Variants in PRKN observed in about 807,000 individuals in gnomAD.
PRKN encodes E3 ubiquitin-protein ligase parkin.
Under a neutral mutation model 59.5 loss-of-function variants are expected in PRKN, and 56 were observed. That is an observed-to-expected ratio of 0.94 (90% CI 0.76 to 1.18). PRKN has a LOEUF of 1.18. Ranked by LOEUF, PRKN falls within the 50% of genes most tolerant of loss-of-function variation. PRKN has a pLI of 0.00. For missense variants in PRKN, 657 were observed against 596.4 expected (o/e 1.10, Z -1.06); for synonymous variants, 250 against 222.1 (o/e 1.13, Z -1.12).
intron 6 of PRKN, among the ~76,000 whole-genome samples, chr6:161,952,416 G>A (rs905862506): frequency 3.3e-5 from 5 of 152,190 alleles, no homozygotes; most frequent in Non-Finnish European, 5.9e-5. Flanking sequence ...TCAGGAGTTC[G>A]AGACCAGCCT....
intron 7 of PRKN, among the ~76,000 whole-genome samples, chr6:161,648,762 C>A (rs1375153421): frequency 6.6e-6 from 1 of 152,134 alleles, no homozygotes; most frequent in African/African-American, 2.4e-5. Flanking sequence ...TTGTACTAAA[C>A]TTAAGCATTC....
At position 162,727,746 on chromosome 6, in the gene PRKN, G is replaced by A. The variant is rs765761156; in HGVS notation, c.-78C>T. On this transcript the variant is annotated 5_prime_UTR_variant, in exon 1 of 12. Coordinates refer to ENST00000366898, the MANE Select transcript of PRKN (RefSeq NM_004562.3). ...GGCGCCAGCCGCGCCTCCCACCAGC[G>A]GCTCTCCTGGGTTAAATCCTCCAGG... 5 of 1,445,302 alleles carry A rather than the reference G, an allele frequency of 3.5e-6. No individual in the cohort carries two copies. Among genetic ancestry groups the A allele is most frequent in the Non-Finnish European group, 3.8e-6 (4 of 1,052,410 alleles). 89.5% of individuals were successfully genotyped at this position (1,445,302 alleles called of 1,614,324 possible). A position where few individuals can be genotyped will look rare whatever the true frequency, so the allele number is the denominator to read the frequency against.
At chr6:162,203,073 A>G (rs1480966935) in intron 3 of PRKN, among the ~76,000 whole-genome samples, 2 of 152,206 alleles carry the variant, frequency 1.3e-5, no homozygotes, top group Admixed American at 6.5e-5. Flanking sequence ...CATATTAGCA[A>G]GAGTTTTACA....
chr6:162,241,198 T>C (rs1778976154), intron 3 of PRKN, among the ~76,000 whole-genome samples: 1 of 152,210 alleles, frequency 6.6e-6, no homozygotes, highest in South Asian at 2.1e-4. Context: ...TATTTTAGTC[T>C]ATCATGTAGG....
chr6:161,539,196 A>ACTATTTAAG (rs1779532109), intron 9 of PRKN, among the ~76,000 whole-genome samples: 1 of 152,234 alleles, frequency 6.6e-6, no homozygotes, highest in South Asian at 2.1e-4. Context: ...AACTATTTAA[A>ACTATTTAAG]CATTTTGTGT....
intron 2 of PRKN, among the ~76,000 whole-genome samples, chr6:162,269,313 T>A (rs531085648): frequency 2.6e-5 from 4 of 152,256 alleles, no homozygotes; most frequent in African/African-American, 7.2e-5. Flanking sequence ...TAAAACACAC[T>A]CCCCTGTGTC....
chr6:162,604,097 T>G (rs1781811325), intron 1 of PRKN, among the ~76,000 whole-genome samples: 1 of 152,190 alleles, frequency 6.6e-6, no homozygotes, highest in South Asian at 2.1e-4. Flanking sequence ...AGGACCACAC[T>G]GCACCGCAGC....
At chr6:161,869,670 C>T (rs116322303) in intron 6 of PRKN, among the ~76,000 whole-genome samples, 1,579 of 152,284 alleles carry the variant, frequency 0.01, 29 homozygotes, top group African/African-American at 0.037. Flanking sequence ...CTGTCCTTGA[C>T]CCACCCTCTG....
intron 2 of PRKN, among the ~76,000 whole-genome samples, chr6:162,418,661 T>TGTGTGTGTGTGTGTGTGTGTGTGCG (rs1398856017): frequency 1.4e-5 from 2 of 145,754 alleles, no homozygotes; most frequent in East Asian, 2.0e-4. Flanking sequence ...TGCGTGTGTG[T>TGTGTGTGTGTGTGTGTGTGTGTGCG]TGAGGGGGGG....
At chr6:161,435,037 A>C (rs1788817063) in intron 9 of PRKN, among the ~76,000 whole-genome samples, 1 of 152,152 alleles carries the variant, frequency 6.6e-6, no homozygotes, top group African/African-American at 2.4e-5. Flanking sequence ...ATGACAAAGA[A>C]ATGTAACCTT....
chr6:161,610,702 G>T (rs746957488), intron 7 of PRKN, among the ~76,000 whole-genome samples: 1 of 152,074 alleles, frequency 6.6e-6, no homozygotes, highest in Non-Finnish European at 1.5e-5. Flanking sequence ...GGCCAGGGTG[G>T]TCCAGGGAGG....
chr6:161,900,761 A>G (rs1777877568), intron 6 of PRKN, among the ~76,000 whole-genome samples: 2 of 70,838 alleles, frequency 2.8e-5, no homozygotes, highest in Non-Finnish European at 5.2e-5. Flanking sequence ...AAATATAAAT[A>G]TATACAACAT....
intron 8 of PRKN, among the ~76,000 whole-genome samples, 159 bp downstream of exon 8, chr6:161,569,196 A>G (rs1252405075): frequency 1.3e-5 from 2 of 152,224 alleles, no homozygotes; most frequent in African/African-American, 4.8e-5. Context: ...ATAGAAGAGG[A>G]AAAAAGTGTC....
chr6:162,476,524 G>A (rs1485690078), intron 1 of PRKN, among the ~76,000 whole-genome samples: 1 of 152,116 alleles, frequency 6.6e-6, no homozygotes, highest in African/African-American at 2.4e-5. Context: ...GTTTGTATAG[G>A]CTTTCTTAAG....
chr6:161,891,259 T>A (rs1795333060), intron 6 of PRKN, among the ~76,000 whole-genome samples: 2 of 152,140 alleles, frequency 1.3e-5, no homozygotes, highest in South Asian at 4.1e-4. Context: ...GCTGATAGGA[T>A]CACAGCCAAG....
chr6:162,333,440 A>G (rs1783681538), intron 2 of PRKN, among the ~76,000 whole-genome samples: 2 of 152,110 alleles, frequency 1.3e-5, no homozygotes, highest in South Asian at 2.1e-4. Flanking sequence ...TCTGCATCAC[A>G]TTTTGGTAAT....
chr6:161,408,270 A>G (rs1787367199), intron 9 of PRKN, among the ~76,000 whole-genome samples: 1 of 151,396 alleles, frequency 6.6e-6, no homozygotes, highest in African/African-American at 2.4e-5. Flanking sequence ...ATGGCGTTAG[A>G]GAAATGCAAA....
intron 1 of PRKN, among the ~76,000 whole-genome samples, chr6:162,561,238 T>G (rs1386366875): frequency 6.6e-6 from 1 of 152,162 alleles, no homozygotes; most frequent in Non-Finnish European, 1.5e-5. Flanking sequence ...TGATATTTAC[T>G]AAACAGTTTC....
At chr6:161,491,673 C>T (rs956785330) in intron 9 of PRKN, among the ~76,000 whole-genome samples, 1 of 151,886 alleles carries the variant, frequency 6.6e-6, no homozygotes, top group Non-Finnish European at 1.5e-5. Context: ...CTCTGTCACC[C>T]GGGCTGGAGT....
Sources: allele counts gnomAD v4.1 joint callset (sites outside exome capture counted in the v4.1 genomes callset), GRCh38; gene constraint gnomAD v4.1.1; transcripts MANE v1.5; gene names NCBI Gene and HGNC (gene_info 2026-07-23, HGNC 2026-07-21).